The following GAN variants were observed in gnomAD, a reference collection of about 807,000 sequenced individuals.
GAN encodes the protein epididymis secretory sperm binding protein.
In GAN, 48 loss-of-function variants were observed where a neutral mutation model predicts 71.3. That is an observed-to-expected ratio of 0.67 (90% CI 0.53 to 0.86). The LOEUF (loss-of-function observed/expected upper bound fraction) is 0.86. GAN is among the 40% of genes least tolerant of loss of function. The probability of loss-of-function intolerance (pLI) is 0.00; values close to 1 mark genes in which losing one functional copy is unlikely to be tolerated. For missense variants in GAN, 928 were observed against 770.1 expected (o/e 1.21, Z -2.43); for synonymous variants, 386 against 276.8 (o/e 1.39, Z -3.92).
intron 1 of GAN, among the ~76,000 whole-genome samples, chr16:81,325,498 A>G (rs1389363731): frequency 6.6e-6 from 1 of 152,150 alleles, no homozygotes; most frequent in Non-Finnish European, 1.5e-5. Context: ...ATTGGTTTAG[A>G]TTTTTACTTT....
intron 7 of GAN, 71 bp downstream of exon 7, chr16:81,364,014 C>A: frequency 5.5e-6 from 6 of 1,095,282 alleles, no homozygotes; most frequent in Non-Finnish European, 8.5e-6. Flanking sequence ...TCTTCATATC[C>A]TGAATAAACC....
chr16:81,390,340 C>T lies in GAN; in HGVS notation c.*12744C>T, dbSNP rs1178465219. ...TGTGGAATAATTTTCTGTTCACTTG[C>T]TGATAAGAAATTTAGCAGTCAGAAG... On this transcript the variant is annotated 3_prime_UTR_variant, in exon 11 of 11. Coordinates refer to ENST00000648994, the MANE Select transcript of GAN (RefSeq NM_022041.4). The T allele has an allele frequency of 1.3e-5, 2 of 152,184 alleles. No homozygotes were observed. The highest frequency in any genetic ancestry group is 4.8e-5 in the African/African-American group (2 of 41,440). The allele number at this position is 152,184 out of a possible 1,614,324, so 9.4% of individuals were successfully genotyped here.
At chr16:81,362,008 A>G (rs1910690003) in intron 5 of GAN, among the ~76,000 whole-genome samples, 1 of 152,176 alleles carries the variant, frequency 6.6e-6, no homozygotes, top group Non-Finnish European at 1.5e-5. Context: ...TATCCAGCAA[A>G]TTGTTTTTTG....
At chr16:81,364,664 A>T (rs975652664) in intron 7 of GAN, among the ~76,000 whole-genome samples, 2 of 152,188 alleles carry the variant, frequency 1.3e-5, no homozygotes, top group African/African-American at 2.4e-5. Flanking sequence ...ACTCCAGCCA[A>T]GGCAACTGAA....
chr16:81,376,845 C>A (rs1297462239), intron 9 of GAN, among the ~76,000 whole-genome samples: 1 of 151,938 alleles, frequency 6.6e-6, no homozygotes, highest in African/African-American at 2.4e-5. Flanking sequence ...CCACTGCACT[C>A]GGGAGGCCCT....
At chr16:81,320,200 C>G (rs921086152) in intron 1 of GAN, among the ~76,000 whole-genome samples, 1 of 152,126 alleles carries the variant, frequency 6.6e-6, no homozygotes, top group African/African-American at 2.4e-5. Context: ...CTTAAGGAGA[C>G]TAATAGGATC....
In GAN at chr16:81,331,762, A is replaced by G. The variant is rs556054165; in HGVS notation, c.167+16482A>G. ...AATATAGAGCAAATCTCTAAATTTA[A>G]AACGGTTTATTTGGGAAGCAAGAAT... On this transcript the variant is annotated intron_variant, in intron 1 of 10. Transcript: ENST00000648994. 3.7e-4 allele frequency among the ~76,000 whole-genome samples: 57 copies of G among 152,336 alleles called. 1 individual carries two copies. In the South Asian group the frequency reaches 8.9e-3, roughly 24 times the overall value.
At position 81,365,424 on chromosome 16, in the gene GAN, A is replaced by G. The variant is rs1413342675; in HGVS notation, c.1448A>G (p.Gln483Arg). 1.9e-6 allele frequency: 3 copies of G among 1,613,636 alleles called. No homozygotes were observed. Among genetic ancestry groups the G allele is most frequent in the Non-Finnish European group, 2.5e-6 (3 of 1,179,894 alleles). Residue 483 changes from glutamine to arginine, a missense_variant, in exon 9 of 11, where the codon CAG becomes CGG. Gln to Arg is a conservative substitution (Grantham distance 43). Coordinates refer to ENST00000648994, the MANE Select transcript of GAN (RefSeq NM_022041.4). ...GGAGTCCGAAGTCGTGAGGACGCCC[A>G]GGGTAGCGAGATGGTAACTTGCAAG... The part of the protein sequence containing the change: ...FGGVRSREDA[Q>R]GSEMVTCKSE...
chr16:81,331,194 A>G (rs1236783444), intron 1 of GAN, among the ~76,000 whole-genome samples: 3 of 152,200 alleles, frequency 2.0e-5, no homozygotes, highest in Non-Finnish European at 2.9e-5. Flanking sequence ...AACAGAGACC[A>G]TGTCTCAAAA....
intron 2 of GAN, among the ~76,000 whole-genome samples, chr16:81,352,465 G>C (rs1910331249): frequency 6.6e-6 from 1 of 152,186 alleles, no homozygotes; most frequent in South Asian, 2.1e-4. Context: ...ACAGAAGGAA[G>C]AGGTCAGTGC....
rs1315481441 is a variant in GAN at position 81,384,288 on chromosome 16, C to T, written c.*6692C>T. 1 of 146,464 alleles carries T rather than the reference C, an allele frequency of 6.8e-6. No individual in the cohort carries two copies. The highest frequency in any genetic ancestry group is 1.5e-5 in the Non-Finnish European group (1 of 67,176). 9.1% of individuals were successfully genotyped at this position (146,464 alleles called of 1,614,324 possible). On this transcript the variant is annotated 3_prime_UTR_variant, in exon 11 of 11. Coordinates refer to ENST00000648994, the MANE Select transcript of GAN (RefSeq NM_022041.4). ...ATACAATTCTCTAAGGCCTGTTTTC[C>T]ATTTTACTACTTAAAAAAAAAAAAA...
At chr16:81,359,263 C>A (rs1274797441) in intron 5 of GAN, among the ~76,000 whole-genome samples, 1 of 152,146 alleles carries the variant, frequency 6.6e-6, no homozygotes, top group East Asian at 1.9e-4. Context: ...ACAAAGGCTC[C>A]TATATGACTA....
chr16:81,319,810 C>T (rs1453443032), intron 1 of GAN, among the ~76,000 whole-genome samples: 1 of 152,080 alleles, frequency 6.6e-6, no homozygotes, highest in Admixed American at 6.5e-5. Context: ...TTTCTGGGCT[C>T]TAGCTTCCTT....
rs1327084522 is a variant in GAN, at chr16:81,385,703, A to T, written c.*8107A>T. The T allele has an allele frequency of 4.0e-5, 6 of 151,780 alleles. No homozygotes were observed. Among genetic ancestry groups the T allele is most frequent in the African/African-American group, 1.2e-4 (5 of 41,216 alleles). 9.4% of individuals were successfully genotyped at this position (151,780 alleles called of 1,614,324 possible). On this transcript the variant is annotated 3_prime_UTR_variant, in exon 11 of 11. Transcript: ENST00000648994. Reference sequence around the variant, plus strand: ...AGTGTCCCAGGCCTTATAGCTTTCCACATTCTCACGTCTGCTGCCACATGA... The same window carrying T: ...AGTGTCCCAGGCCTTATAGCTTTCCTCATTCTCACGTCTGCTGCCACATGA...
rs1459522624 is a variant in GAN at position 81,382,814 on chromosome 16, T to C, written c.*5218T>C. 7 of 152,222 alleles carry C rather than the reference T, an allele frequency of 4.6e-5. No individual in the cohort carries two copies. The East Asian group carries it at 1.3e-3, about 29-fold the overall frequency. 9.4% of individuals were successfully genotyped at this position (152,222 alleles called of 1,614,324 possible). Reference sequence around the variant, plus strand: ...GGTAAAACTTGGTAAAGTTTTGTGTTTTTCAGAAGGAACCCTATTATTATT... The same window carrying C: ...GGTAAAACTTGGTAAAGTTTTGTGTCTTTCAGAAGGAACCCTATTATTATT... On this transcript the variant is annotated 3_prime_UTR_variant, in exon 11 of 11. Transcript: ENST00000648994.
At chr16:81,335,882 A>G (rs1398794889) in intron 1 of GAN, among the ~76,000 whole-genome samples, 1 of 152,148 alleles carries the variant, frequency 6.6e-6, no homozygotes, top group Admixed American at 6.6e-5. Context: ...AATAGAGAAA[A>G]ATTAAAAGGA....
chr16:81,347,850 A>G (rs116665285), intron 1 of GAN, among the ~76,000 whole-genome samples: 1 of 152,036 alleles, frequency 6.6e-6, no homozygotes, highest in East Asian at 1.9e-4. Context: ...TATTATGATG[A>G]TGTGCTCTGG....
intron 7 of GAN, among the ~76,000 whole-genome samples, chr16:81,364,640 G>A (rs868528027): frequency 6.6e-6 from 1 of 152,144 alleles, no homozygotes; most frequent in African/African-American, 2.4e-5. Flanking sequence ...AGTGAACTAT[G>A]ATGGCACCAC....
rs1387793401 is a variant in GAN at position 81,354,730 on chromosome 16, T to C, written c.608T>C (p.Ile203Thr). 3 of 1,596,430 alleles carry C rather than the reference T, an allele frequency of 1.9e-6. No individual in the cohort carries two copies. Among genetic ancestry groups the C allele is most frequent in the Non-Finnish European group, 2.6e-6 (3 of 1,163,914 alleles). ...RYVFEAVIRW[I>T]AHDTEIRKVH... ...GTCTTTGAAGCAGTAATTCGATGGA[T>C]AGCACATGATACAGAAATAAGAAAG... Residue 203 changes from isoleucine to threonine, a missense_variant, in exon 3 of 11, where the codon ATA becomes ACA. Physicochemically the swap from Ile to Thr is moderately conservative, Grantham distance 89 (BLOSUM62 -1). Transcript: ENST00000648994.
Sources: gnomAD v4.1 joint callset for allele counts (sites outside exome capture counted in the v4.1 genomes callset) on GRCh38, gnomAD v4.1.1 for gene constraint, MANE v1.5 for transcripts, NCBI Gene and HGNC (gene_info 2026-07-23, HGNC 2026-07-21) for gene names.